Variants in CTNND2 observed in about 807,000 individuals in gnomAD.
CTNND2 encodes the protein catenin delta 2.
In CTNND2, 22 loss-of-function variants were observed where a neutral mutation model predicts 144.4. The ratio of observed to expected loss-of-function variants is 0.15; its 90% confidence interval spans 0.11 to 0.22. The LOEUF (loss-of-function observed/expected upper bound fraction) is 0.22, where lower values mean the gene tolerates loss of function less well. CTNND2 is among the 10% of genes least tolerant of loss of function. The probability of loss-of-function intolerance (pLI) is 1.00; values close to 1 mark genes in which losing one functional copy is unlikely to be tolerated. For missense variants in CTNND2, 1,353 were observed against 1,618.8 expected (o/e 0.84, Z 2.82); for synonymous variants, 751 against 695.6 (o/e 1.08, Z -1.25).
intron 5 of CTNND2, among the ~76,000 whole-genome samples, chr5:11,398,029 T>C (rs1158507521): frequency 6.6e-6 from 1 of 152,210 alleles, no homozygotes; most frequent in Non-Finnish European, 1.5e-5. Flanking sequence ...ATCAAATAAA[T>C]ATGGAGGAGA....
intron 3 of CTNND2, among the ~76,000 whole-genome samples, chr5:11,467,379 A>G (rs559609689): frequency 4.7e-4 from 71 of 152,284 alleles, no homozygotes; most frequent in Non-Finnish European, 7.4e-4. Context: ...TCCTTCTCCC[A>G]CACTGGGGCA....
chr5:11,414,813 A>C (rs1334234791), intron 3 of CTNND2, among the ~76,000 whole-genome samples: 1 of 152,178 alleles, frequency 6.6e-6, no homozygotes, highest in African/African-American at 2.4e-5. Context: ...ATAAGTTCTC[A>C]TCATTTAGCT....
At chr5:11,636,512 T>C (rs1312411619) in intron 2 of CTNND2, among the ~76,000 whole-genome samples, 1 of 152,192 alleles carries the variant, frequency 6.6e-6, no homozygotes. Flanking sequence ...AAACGGCTAA[T>C]ATACACTAAC....
At chr5:11,295,095 C>T (rs1350844750) in intron 9 of CTNND2, among the ~76,000 whole-genome samples, 1 of 152,130 alleles carries the variant, frequency 6.6e-6, no homozygotes, top group African/African-American at 2.4e-5. Flanking sequence ...ACTGTCTCCG[C>T]CCAAAATCTC....
At chr5:11,468,621 C>T (rs1037535645) in intron 3 of CTNND2, among the ~76,000 whole-genome samples, 1 of 152,214 alleles carries the variant, frequency 6.6e-6, no homozygotes, top group Non-Finnish European at 1.5e-5. Flanking sequence ...AACCCTCCTG[C>T]GAGGCTTTAA....
intron 10 of CTNND2, among the ~76,000 whole-genome samples, chr5:11,216,025 C>A (rs1193161689): frequency 6.6e-6 from 1 of 152,118 alleles, no homozygotes; most frequent in Non-Finnish European, 1.5e-5. Context: ...ATTGATGTGA[C>A]CAGCCAACCA....
intron 16 of CTNND2, among the ~76,000 whole-genome samples, chr5:11,049,367 G>T (rs185201530): frequency 1.3e-5 from 2 of 152,274 alleles, no homozygotes; most frequent in East Asian, 1.9e-4. Flanking sequence ...CCTCTCACTT[G>T]TCTGTGGAGT....
At chr5:11,237,041 A>G (rs928057580) in intron 9 of CTNND2, among the ~76,000 whole-genome samples, 1 of 147,264 alleles carries the variant, frequency 6.8e-6, no homozygotes, top group African/African-American at 2.5e-5. Context: ...TTTTTTTTAG[A>G]CAGAATCTCA....
At chr5:11,520,888 T>C (rs1392410658) in intron 3 of CTNND2, among the ~76,000 whole-genome samples, 2 of 152,186 alleles carry the variant, frequency 1.3e-5, no homozygotes, top group African/African-American at 4.8e-5. Context: ...TAAGGAGAAA[T>C]GCTAATGATG....
At chr5:11,743,409 C>T (rs1057223411) in intron 1 of CTNND2, among the ~76,000 whole-genome samples, 11 of 152,246 alleles carry the variant, frequency 7.2e-5, no homozygotes, top group African/African-American at 1.2e-4. Context: ...CTTTCGCTTC[C>T]GTCAACTACC....
Position 11,423,936 on chromosome 5 carries a change from A to G in CTNND2, c.288-11867T>C, listed in dbSNP as rs145162695. Among the ~76,000 whole-genome samples, 327 of 152,328 alleles carry G rather than the reference A, an allele frequency of 2.1e-3. 1 individual carries two copies. The Middle Eastern group carries it at 0.031, about 14-fold the overall frequency. ...ATCAACAGAAGATTTGTAAAAAATA[A>G]GTTTCAATCTTAGCGCCTTTATACA... On this transcript the variant is annotated intron_variant, in intron 3 of 21. Transcript: ENST00000304623.
intron 1 of CTNND2, among the ~76,000 whole-genome samples, chr5:11,855,779 T>C (rs1248950549): frequency 2.0e-5 from 3 of 152,142 alleles, no homozygotes; most frequent in Non-Finnish European, 4.4e-5. Context: ...GGCCTCACCA[T>C]AGACCTAATA....
Position 11,026,282 on chromosome 5 carries a change from C to T in CTNND2, c.2789-3303G>A, listed in dbSNP as rs112257708. Among the ~76,000 whole-genome samples the T allele has an allele frequency of 3.8e-4, 58 of 151,962 alleles. 1 individual carries two copies. Among genetic ancestry groups the T allele is most frequent in the African/African-American group, 1.3e-3 (54 of 41,484 alleles). ...CCTGTCTTGGAATGACCTGCTTAGG[C>T]CCTCAAAAGGAGCAGGCACCAGTAA... On this transcript the variant is annotated intron_variant, in intron 16 of 21. Transcript: ENST00000304623.
intron 9 of CTNND2, among the ~76,000 whole-genome samples, chr5:11,325,194 A>C (rs181948281): frequency 3.9e-5 from 6 of 152,290 alleles, no homozygotes; most frequent in Admixed American, 3.3e-4. Flanking sequence ...TGAAGCATTC[A>C]GTTGTTAAAG....
At chr5:11,401,545 A>T (rs1160098092) in intron 5 of CTNND2, among the ~76,000 whole-genome samples, 1 of 152,184 alleles carries the variant, frequency 6.6e-6, no homozygotes, top group Non-Finnish European at 1.5e-5. Context: ...TACTTATTTG[A>T]CCATAGATGA....
chr5:11,881,973 C>T (rs1451620096), intron 1 of CTNND2, among the ~76,000 whole-genome samples: 2 of 152,010 alleles, frequency 1.3e-5, no homozygotes, highest in African/African-American at 2.4e-5. Flanking sequence ...ACTTGAATTT[C>T]CCTGATGATT....
rs1289587866 is a variant in CTNND2, at chr5:11,385,041, G to A, written c.801C>T (p.Ser267=). 7 of 1,165,376 alleles carry A rather than the reference G, an allele frequency of 6.0e-6. No individual in the cohort carries two copies. Among genetic ancestry groups the A allele is most frequent in the South Asian group, 4.2e-5 (1 of 24,028 alleles). 72.2% of individuals were successfully genotyped at this position (1,165,376 alleles called of 1,614,324 possible). A position where few individuals can be genotyped will look rare whatever the true frequency, so the allele number is the denominator to read the frequency against. The part of the protein sequence containing the change: ...STLPAPPRGG[S]PLAAPQGGSP... ...AACCGCCCTGGGGCGCGGCCAGCGGGGAGCCCCCGCGCGGCGGCGCGGGCA... is the reference window on the plus strand; with the variant it reads ...AACCGCCCTGGGGCGCGGCCAGCGGAGAGCCCCCGCGCGGCGGCGCGGGCA... The change falls in exon 7 of 22, where the codon TCC becomes TCT. Residue 267 remains serine (S), a synonymous_variant. Coordinates refer to ENST00000304623, the MANE Select transcript of CTNND2 (RefSeq NM_001332.4).
At chr5:11,661,231 G>A (rs1783186560) in intron 2 of CTNND2, among the ~76,000 whole-genome samples, 1 of 152,066 alleles carries the variant, frequency 6.6e-6, no homozygotes, top group Non-Finnish European at 1.5e-5. Flanking sequence ...GAAAATAAAT[G>A]TTGAGAAATA....
chr5:11,156,076 A>G (rs537171030), intron 12 of CTNND2, among the ~76,000 whole-genome samples: 2 of 152,286 alleles, frequency 1.3e-5, no homozygotes, highest in South Asian at 4.1e-4. Flanking sequence ...ATATTGGTAC[A>G]ATATCCACTG....
Sources: allele counts gnomAD v4.1 joint callset (sites outside exome capture counted in the v4.1 genomes callset), GRCh38; gene constraint gnomAD v4.1.1; transcripts MANE v1.5; gene names NCBI Gene and HGNC (gene_info 2026-07-23, HGNC 2026-07-21).